The following CSMD1 variants were observed in gnomAD, a reference collection of about 807,000 sequenced individuals.
The protein encoded by CSMD1 is CUB and sushi domain-containing protein 1.
Under a neutral mutation model 417.5 loss-of-function variants are expected in CSMD1, and 213 were observed. The ratio of observed to expected loss-of-function variants is 0.51; its 90% CI spans 0.46 to 0.57. The LOEUF is 0.57. CSMD1 is among the 20% of genes least tolerant of loss of function. The pLI, the probability that CSMD1 is intolerant of heterozygous loss-of-function variation, is 0.00. For missense variants in CSMD1, 6,923 were observed against 4,529.7 expected (o/e 1.53, Z -15.17); for synonymous variants, 2,862 against 1,736.8 (o/e 1.65, Z -16.11).
At chr8:4,234,172 T>C (rs1801909506) in intron 3 of CSMD1, among the ~76,000 whole-genome samples, 1 of 152,178 alleles carries the variant, frequency 6.6e-6, no homozygotes, top group Non-Finnish European at 1.5e-5. Flanking sequence ...TCCCAGGAGT[T>C]AACTCTTGAC....
intron 25 of CSMD1, among the ~76,000 whole-genome samples, chr8:3,305,513 G>C (rs541575427): frequency 6.6e-5 from 10 of 151,998 alleles, no homozygotes; most frequent in Non-Finnish European, 1.2e-4. Flanking sequence ...TAGTGGGAGG[G>C]AGCCCCTGAT....
intron 1 of CSMD1, among the ~76,000 whole-genome samples, chr8:4,876,809 T>C (rs908899802): frequency 6.6e-6 from 1 of 152,038 alleles, no homozygotes; most frequent in Admixed American, 6.5e-5. Flanking sequence ...CCTTCTCAGA[T>C]CTAAATTAGT....
chr8:4,623,202 A>T (rs533222483), intron 2 of CSMD1, among the ~76,000 whole-genome samples: 2 of 152,280 alleles, frequency 1.3e-5, no homozygotes, highest in African/African-American at 4.8e-5. Context: ...ATACTTCACC[A>T]AGGAAGATAT....
chr8:4,022,853 C>T (rs181289584), intron 4 of CSMD1, among the ~76,000 whole-genome samples: 6 of 152,062 alleles, frequency 3.9e-5, no homozygotes, highest in African/African-American at 9.7e-5. Flanking sequence ...AGAGTTCATT[C>T]GGAGCAAGAA....
intron 3 of CSMD1, among the ~76,000 whole-genome samples, chr8:4,198,040 G>C (rs767782630): frequency 1.3e-5 from 2 of 152,158 alleles, no homozygotes; most frequent in Non-Finnish European, 2.9e-5. Context: ...CAGCAATGAA[G>C]AAGTATTTAT....
intron 3 of CSMD1, among the ~76,000 whole-genome samples, chr8:4,237,643 G>C (rs552199390): frequency 7.2e-5 from 11 of 151,996 alleles, no homozygotes; most frequent in African/African-American, 2.7e-4. Flanking sequence ...ACCCTTTCTA[G>C]TAGCTGAGAC....
At chr8:3,381,105 T>G (rs547725592) in intron 18 of CSMD1, among the ~76,000 whole-genome samples, 6 of 152,088 alleles carry the variant, frequency 3.9e-5, no homozygotes, top group African/African-American at 7.2e-5. Context: ...ATCAAGAGCA[T>G]ACGTAATTCA....
intron 10 of CSMD1, among the ~76,000 whole-genome samples, chr8:3,525,755 A>T (rs1230190314): frequency 6.6e-6 from 1 of 152,218 alleles, no homozygotes; most frequent in African/African-American, 2.4e-5. Context: ...AAAGGAAATG[A>T]ATGGGAACAT....
At chr8:4,258,769 G>C (rs977779327) in intron 3 of CSMD1, among the ~76,000 whole-genome samples, 4 of 152,052 alleles carry the variant, frequency 2.6e-5, no homozygotes, top group East Asian at 1.9e-4. Context: ...TTAACATTTA[G>C]AATGTGTAAC....
chr8:4,563,552 A>G (rs1353915734), intron 2 of CSMD1, among the ~76,000 whole-genome samples: 1 of 151,940 alleles, frequency 6.6e-6, no homozygotes, highest in Non-Finnish European at 1.5e-5. Flanking sequence ...ACACATCCTC[A>G]CTCCAACTGT....
At chr8:3,384,797 T>C (rs1446937771) in intron 18 of CSMD1, among the ~76,000 whole-genome samples, 1 of 122,458 alleles carries the variant, frequency 8.2e-6, no homozygotes, top group East Asian at 2.3e-4. Context: ...TATTAATATA[T>C]GCTATTTATA....
chr8:4,723,787 T>TAAAAAA lies in CSMD1; in HGVS notation c.86-86235_86-86230dup, dbSNP rs57096241. On this transcript the variant is annotated intron_variant, in intron 1 of 69. Transcript: ENST00000635120. ...TGTAAATGCAATATGCTTTCGAATG[T>TAAAAAA]AAAAAAAAAAAAACAAAAAAAAAAC... 9.1e-4 allele frequency among the ~76,000 whole-genome samples: 120 copies of TAAAAAA among 131,348 alleles called. 1 individual carries two copies. The highest frequency in any genetic ancestry group is 2.7e-3 in the African/African-American group (91 of 33,530). The allele number at this position is 131,348 out of a possible 152,430, so 86.2% of individuals were successfully genotyped here.
At chr8:4,658,788 C>T (rs1437220608) in intron 1 of CSMD1, among the ~76,000 whole-genome samples, 1 of 152,128 alleles carries the variant, frequency 6.6e-6, no homozygotes, top group Non-Finnish European at 1.5e-5. Context: ...ATAAAACAAT[C>T]ACCACACATC....
intron 30 of CSMD1, among the ~76,000 whole-genome samples, chr8:3,210,847 T>G (rs1274723896): frequency 1.3e-5 from 2 of 152,014 alleles, no homozygotes; most frequent in South Asian, 2.1e-4. Context: ...TAATATAAAT[T>G]AAATGCCTTT....
At chr8:3,377,870 T>C (rs1291922800) in intron 18 of CSMD1, among the ~76,000 whole-genome samples, 1 of 152,206 alleles carries the variant, frequency 6.6e-6, no homozygotes, top group Non-Finnish European at 1.5e-5. Context: ...CTAAGATATA[T>C]TCAATATAAG....
chr8:4,547,993 ACTC>A (rs1356740296), intron 2 of CSMD1, among the ~76,000 whole-genome samples: 1 of 152,124 alleles, frequency 6.6e-6, no homozygotes, highest in East Asian at 1.9e-4. Context: ...TAGGCCAGGC[ACTC>A]CCAAGCAATC....
chr8:3,788,181 T>C (rs1241358082), intron 5 of CSMD1, among the ~76,000 whole-genome samples: 4 of 152,224 alleles, frequency 2.6e-5, no homozygotes. Context: ...CATGTGATAC[T>C]ACATAATTAC....
chr8:3,690,524 G>A (rs75386770), intron 7 of CSMD1, among the ~76,000 whole-genome samples: 46 of 152,338 alleles, frequency 3.0e-4, no homozygotes, highest in African/African-American at 1.0e-3. Flanking sequence ...CTCCCAAATA[G>A]ACTGTTAGTC....
At chr8:4,543,582 G>T (rs1315683169) in intron 2 of CSMD1, among the ~76,000 whole-genome samples, 1 of 142,702 alleles carries the variant, frequency 7.0e-6, no homozygotes, top group Non-Finnish European at 1.5e-5. Context: ...AAACGTTCAT[G>T]CACAGGTTTT....
Sources: gnomAD v4.1 joint callset for allele counts (sites outside exome capture counted in the v4.1 genomes callset) on GRCh38, gnomAD v4.1.1 for gene constraint, MANE v1.5 for transcripts, NCBI Gene and HGNC (gene_info 2026-07-23, HGNC 2026-07-21) for gene names.